The following CDH9 variants were observed in gnomAD, a reference collection of about 807,000 sequenced individuals.
CDH9 encodes the protein cadherin-9.
A neutral mutation model predicts 70.9 loss-of-function variants in CDH9; 28 were observed. The ratio of observed to expected loss-of-function variants is 0.40; its 90% CI spans 0.29 to 0.54. The LOEUF is 0.54. Ranked by LOEUF, CDH9 falls within the 20% of genes least tolerant of loss-of-function variation. The pLI is 0.59. For synonymous variants in CDH9, 409 were observed against 343.1 expected (o/e 1.19, Z -2.12); for missense variants, 874 against 984.4 (o/e 0.89, Z 1.50).
intron 2 of CDH9, among the ~76,000 whole-genome samples, chr5:26,978,178 TA>T (rs143139482): frequency 6.6e-6 from 1 of 151,138 alleles, no homozygotes; most frequent in South Asian, 2.1e-4. Flanking sequence ...TAACACATAA[TA>T]AAAAAAAGAT....
At chr5:26,929,069 G>GA (rs1328844285) in intron 2 of CDH9, among the ~76,000 whole-genome samples, 2 of 151,734 alleles carry the variant, frequency 1.3e-5, no homozygotes, top group South Asian at 2.1e-4. Context: ...TAAAGAATGA[G>GA]AAAAAATGCA....
At chr5:27,004,503 A>G (rs1306435417) in intron 1 of CDH9, among the ~76,000 whole-genome samples, 1 of 152,166 alleles carries the variant, frequency 6.6e-6, no homozygotes. Flanking sequence ...CATAAAACAT[A>G]GACATTACAA....
intron 2 of CDH9, among the ~76,000 whole-genome samples, chr5:26,930,032 A>G (rs990689046): frequency 1.3e-5 from 2 of 152,114 alleles, no homozygotes; most frequent in African/African-American, 4.8e-5. Context: ...TAAAAGCTTA[A>G]GGTAGTGGAC....
At chr5:26,977,528 G>A (rs997508227) in intron 2 of CDH9, among the ~76,000 whole-genome samples, 10 of 143,542 alleles carry the variant, frequency 7.0e-5, no homozygotes, top group African/African-American at 2.9e-4. Flanking sequence ...TAATAACCAG[G>A]AGCAAACAAA....
At chr5:26,906,518 ATAGTT>A (rs1204469852) in intron 4 of CDH9, among the ~76,000 whole-genome samples, 196 bp downstream of exon 4, 1 of 152,178 alleles carries the variant, frequency 6.6e-6, no homozygotes, top group Non-Finnish European at 1.5e-5. Flanking sequence ...CCAATGAATA[ATAGTT>A]TAAAGAGCTA....
At chr5:26,910,472 T>C (rs925695293) in intron 3 of CDH9, among the ~76,000 whole-genome samples, 2 of 152,224 alleles carry the variant, frequency 1.3e-5, no homozygotes, top group African/African-American at 4.8e-5. Context: ...TTATGTTGTA[T>C]AACATGTAAA....
intron 1 of CDH9, among the ~76,000 whole-genome samples, chr5:27,032,072 A>G (rs1343964632): frequency 1.3e-5 from 2 of 151,816 alleles, no homozygotes; most frequent in African/African-American, 4.8e-5. Context: ...CATAACACAT[A>G]TTTATATATT....
chr5:26,959,220 GA>G (rs939339443), intron 2 of CDH9, among the ~76,000 whole-genome samples: 23 of 152,040 alleles, frequency 1.5e-4, no homozygotes, highest in Middle Eastern at 3.4e-3. Context: ...TTTCCTCAGA[GA>G]AAATATACAA....
rs79258483 is a variant in CDH9, at chr5:27,030,923, T to C, written c.-50+7540A>G. On this transcript the variant is annotated intron_variant, in intron 1 of 11. Coordinates refer to ENST00000231021, the MANE Select transcript of CDH9 (RefSeq NM_016279.4). ...GAATTTTTTTAGTGTATATGTTATC[T>C]AGAACATTTTAAATCACATGCTAAC... is the stretch of plus-strand genomic sequence containing the variant. Among the ~76,000 whole-genome samples the C allele has an allele frequency of 3.6e-3, 541 of 152,004 alleles. 5 individuals carry two copies. Among genetic ancestry groups the C allele is most frequent in the African/African-American group, 0.012 (518 of 41,546 alleles).
chr5:26,905,299 C>A (rs921663854), intron 5 of CDH9, among the ~76,000 whole-genome samples: 1 of 152,122 alleles, frequency 6.6e-6, no homozygotes, highest in Non-Finnish European at 1.5e-5. Context: ...AAAATGGTGA[C>A]AACTGAAAGA....
intron 2 of CDH9, among the ~76,000 whole-genome samples, chr5:26,955,455 T>A (rs1419580353): frequency 6.6e-6 from 1 of 152,206 alleles, no homozygotes; most frequent in Non-Finnish European, 1.5e-5. Context: ...TTTCCATGCC[T>A]TTTTAAGTTT....
intron 1 of CDH9, among the ~76,000 whole-genome samples, chr5:27,019,254 T>A (rs1250591097): frequency 2.0e-5 from 3 of 152,014 alleles, no homozygotes; most frequent in African/African-American, 7.2e-5. Flanking sequence ...CAGATGAGAC[T>A]ATAGCAATGG....
At chr5:26,993,191 A>G (rs1199083025) in intron 1 of CDH9, among the ~76,000 whole-genome samples, 1 of 152,094 alleles carries the variant, frequency 6.6e-6, no homozygotes, top group Non-Finnish European at 1.5e-5. Context: ...GTGAACTTCC[A>G]GATGGAAATG....
intron 1 of CDH9, among the ~76,000 whole-genome samples, chr5:27,032,816 C>T (rs550857757): frequency 3.3e-5 from 5 of 151,132 alleles, no homozygotes; most frequent in South Asian, 4.2e-4. Context: ...TATTGACTCT[C>T]GGGGAAAATA....
chr5:26,909,943 A>T (rs1370705670), intron 3 of CDH9, among the ~76,000 whole-genome samples: 2 of 151,846 alleles, frequency 1.3e-5, no homozygotes, highest in Non-Finnish European at 2.9e-5. Flanking sequence ...TCATCAATAT[A>T]ATTATTATTA....
chr5:26,949,467 C>T (rs996057417), intron 2 of CDH9, among the ~76,000 whole-genome samples: 16 of 152,174 alleles, frequency 1.1e-4, no homozygotes, highest in Admixed American at 1.0e-3. Context: ...CAAATTAAAC[C>T]ATGAGCATGT....
Position 26,889,963 on chromosome 5 carries a change from A to G in CDH9, c.1391-6T>C, listed in dbSNP as rs759802458. On this transcript the variant is annotated splice_region_variant and splice_polypyrimidine_tract_variant and intron_variant, in intron 8 of 11. Coordinates refer to ENST00000231021, the MANE Select transcript of CDH9 (RefSeq NM_016279.4). ...GCTACTTTGTTTTGGGTTATCTGCAACGAGAACACGTGTAAGATTTCAGTC... is the reference window on the plus strand; with the variant it reads ...GCTACTTTGTTTTGGGTTATCTGCAGCGAGAACACGTGTAAGATTTCAGTC... The G allele has an allele frequency of 1.9e-6, 3 of 1,609,366 alleles. No individual in the cohort carries two copies. The highest frequency in any genetic ancestry group is 2.2e-5 in the East Asian group (1 of 44,638).
chr5:27,009,872 T>A (rs1333441242), intron 1 of CDH9, among the ~76,000 whole-genome samples: 1 of 152,124 alleles, frequency 6.6e-6, no homozygotes, highest in African/African-American at 2.4e-5. Flanking sequence ...ATAGTTGTTT[T>A]CTTACTCTGG....
At chr5:26,970,332 G>T (rs1044436479) in intron 2 of CDH9, among the ~76,000 whole-genome samples, 10 of 151,654 alleles carry the variant, frequency 6.6e-5, no homozygotes, top group Admixed American at 5.3e-4. Context: ...CTTTTTTCAA[G>T]TAGCTATGTA....
Sources: gnomAD v4.1 joint callset for allele counts (sites outside exome capture counted in the v4.1 genomes callset) on GRCh38, gnomAD v4.1.1 for gene constraint, MANE v1.5 for transcripts, NCBI Gene and HGNC (gene_info 2026-07-23, HGNC 2026-07-21) for gene names.